Variants in CDKN2B-AS1 observed in about 807,000 individuals in gnomAD.
CDKN2B-AS1 encodes the protein CDKN2B antisense RNA 1 (non-protein coding).
At chr9:22,008,599 T>G in intron 1 of CDKN2B-AS1, 1 of 1,499,304 alleles carries the variant, frequency 6.7e-7, no homozygotes, top group Non-Finnish European at 9.0e-7. Flanking sequence ...AAAAAAAGCT[T>G]AAACAGTGGG....
At chr9:22,042,805 G>A (rs1226820511) in intron 1 of CDKN2B-AS1, among the ~76,000 whole-genome samples, 1 of 152,098 alleles carries the variant, frequency 6.6e-6, no homozygotes, top group Non-Finnish European at 1.5e-5. Context: ...TCCTGCAAAA[G>A]TTTCTTGAAT....
At chr9:22,016,946 A>G (rs546873992) in intron 1 of CDKN2B-AS1, among the ~76,000 whole-genome samples, 1 of 152,378 alleles carries the variant, frequency 6.6e-6, no homozygotes, top group East Asian at 1.9e-4. Flanking sequence ...ATCTTTGGCC[A>G]GTGGGAGCCT....
At chr9:22,122,949 T>C (rs575470332) in intron 4 of CDKN2B-AS1, among the ~76,000 whole-genome samples, 1 of 152,324 alleles carries the variant, frequency 6.6e-6, no homozygotes, top group East Asian at 1.9e-4. Context: ...ATTAGTATTT[T>C]GATAGGGATT....
intron 4 of CDKN2B-AS1, among the ~76,000 whole-genome samples, chr9:22,069,608 C>G (rs957957251): frequency 1.3e-5 from 2 of 151,892 alleles, no homozygotes; most frequent in African/African-American, 4.8e-5. Context: ...TATAATAATC[C>G]AATCAAGGTA....
chr9:22,061,483 T>G (rs780044928), intron 4 of CDKN2B-AS1, among the ~76,000 whole-genome samples: 4 of 152,190 alleles, frequency 2.6e-5, no homozygotes, highest in Non-Finnish European at 4.4e-5. Context: ...ATTGGGCCTA[T>G]TAGCTACAAA....
chr9:22,025,064 A>G (rs986278871), intron 1 of CDKN2B-AS1, among the ~76,000 whole-genome samples: 4 of 152,192 alleles, frequency 2.6e-5, no homozygotes, highest in African/African-American at 9.6e-5. Context: ...ATCCCTGTCC[A>G]TGCACTGCTG....
chr9:22,123,022 A>T (rs899151536), intron 4 of CDKN2B-AS1, among the ~76,000 whole-genome samples: 1 of 151,570 alleles, frequency 6.6e-6, no homozygotes, highest in Non-Finnish European at 1.5e-5. Context: ...GTCCTTTTCC[A>T]TTTCTTTCAT....
intron 4 of CDKN2B-AS1, among the ~76,000 whole-genome samples, chr9:22,071,848 T>C (rs1019874946): frequency 1.2e-4 from 18 of 152,212 alleles, no homozygotes; most frequent in African/African-American, 3.6e-4. Flanking sequence ...TATTACTTAC[T>C]TACTTTTGTA....
intron 1 of CDKN2B-AS1, among the ~76,000 whole-genome samples, chr9:22,023,707 C>T (rs1053112494): frequency 1.3e-5 from 2 of 152,212 alleles, no homozygotes; most frequent in Non-Finnish European, 2.9e-5. Flanking sequence ...CGTGCCACTG[C>T]ACTCCAGCCT....
intron 4 of CDKN2B-AS1, among the ~76,000 whole-genome samples, chr9:22,068,990 A>G (rs934941137): frequency 3.9e-5 from 6 of 152,210 alleles, no homozygotes; most frequent in African/African-American, 1.4e-4. Flanking sequence ...TATAGATGCC[A>G]TCAGAAACTC....
intron 4 of CDKN2B-AS1, among the ~76,000 whole-genome samples, chr9:22,075,298 A>C (rs765065802): frequency 2.0e-5 from 3 of 152,202 alleles, no homozygotes; most frequent in Non-Finnish European, 4.4e-5. Flanking sequence ...CTTCACCTTA[A>C]GAAAGTCAGG....
intron 1 of CDKN2B-AS1, among the ~76,000 whole-genome samples, chr9:22,033,817 G>A (rs528815781): frequency 6.6e-6 from 1 of 152,284 alleles, no homozygotes; most frequent in East Asian, 1.9e-4. Context: ...TTGACAGAGT[G>A]CCTACTACGT....
At chr9:22,049,342 G>A (rs1823239539) in intron 3 of CDKN2B-AS1, 1 of 152,214 alleles carries the variant, frequency 6.6e-6, no homozygotes, top group Admixed American at 6.5e-5. Context: ...TGGCTGGAGA[G>A]TATGGGAAGA....
At chr9:22,120,418 C>G (rs1826067966) in intron 4 of CDKN2B-AS1, 1 of 152,158 alleles carries the variant, frequency 6.6e-6, no homozygotes, top group African/African-American at 2.4e-5. Flanking sequence ...TAAGTAAGTG[C>G]TTTGTAAAAT....
intron 4 of CDKN2B-AS1, among the ~76,000 whole-genome samples, chr9:22,107,738 A>T (rs1455361734): frequency 6.6e-6 from 1 of 152,192 alleles, no homozygotes; most frequent in East Asian, 1.9e-4. Flanking sequence ...GTCTTCCAAA[A>T]GGATAAGAGA....
intron 4 of CDKN2B-AS1, chr9:22,112,326 T>G (rs1825824527): frequency 1.3e-5 from 2 of 152,288 alleles, no homozygotes; most frequent in South Asian, 4.1e-4. Flanking sequence ...GTAGATTGGC[T>G]TCTCTCACAT....
chr9:22,028,954 G>A (rs1474062333), intron 1 of CDKN2B-AS1, among the ~76,000 whole-genome samples: 1 of 151,992 alleles, frequency 6.6e-6, no homozygotes, highest in Non-Finnish European at 1.5e-5. Context: ...ATACAATTTA[G>A]CATCTCCATA....
chr9:22,052,352 C>A (rs1823382935), intron 3 of CDKN2B-AS1, among the ~76,000 whole-genome samples: 1 of 151,946 alleles, frequency 6.6e-6, no homozygotes, highest in South Asian at 2.1e-4. Flanking sequence ...TTTTAGTGAC[C>A]TAACTGTATA....
intron 1 of CDKN2B-AS1, among the ~76,000 whole-genome samples, chr9:22,010,869 T>A (rs1429910995): frequency 1.3e-5 from 2 of 152,192 alleles, no homozygotes; most frequent in African/African-American, 4.8e-5. Flanking sequence ...GCCATTTTCT[T>A]AGGTAGTAAA....
Sources: allele counts gnomAD v4.1 joint callset (sites outside exome capture counted in the v4.1 genomes callset), GRCh38; gene constraint gnomAD v4.1.1; transcripts MANE v1.5; gene names NCBI Gene and HGNC (gene_info 2026-07-23, HGNC 2026-07-21).